ELAVL2: variants seen among roughly 807,000 people sequenced by gnomAD.
ELAVL2 encodes the protein ELAV like RNA binding protein 2.
ELAVL2 carries 4 observed loss-of-function variants against 34.6 expected under a neutral mutation model. That is an observed-to-expected ratio of 0.12 (90% CI 0.06 to 0.26). The LOEUF (loss-of-function observed/expected upper bound fraction) is 0.26, where lower values mean the gene tolerates loss of function less well. Ranked by LOEUF, ELAVL2 falls within the 10% of genes least tolerant of loss-of-function variation. ELAVL2 has a pLI of 1.00. For synonymous variants in ELAVL2, 193 were observed against 154.8 expected, an observed-to-expected ratio of 1.25 and a Z score of -1.83; for missense variants, 432 against 442.8, an observed-to-expected ratio of 0.98 and a Z score of 0.22.
intron 1 of ELAVL2, among the ~76,000 whole-genome samples, chr9:23,816,317 T>TAAAAAAAAAAAAAAAAAA (rs10717104): frequency 2.2e-5 from 1 of 44,698 alleles, no homozygotes. Flanking sequence ...AAGCTTTCAG[T>TAAAAAAAAAAAAAAAAAA]AAAAAAAAAA....
At chr9:23,714,564 A>G (rs2041828257) in intron 3 of ELAVL2, among the ~76,000 whole-genome samples, 1 of 152,166 alleles carries the variant, frequency 6.6e-6, no homozygotes, top group African/African-American at 2.4e-5. Flanking sequence ...TATTTCTCCC[A>G]TCAAGCTGTT....
At chr9:23,712,670 C>A (rs150605933) in intron 3 of ELAVL2, among the ~76,000 whole-genome samples, 1 of 152,048 alleles carries the variant, frequency 6.6e-6, no homozygotes, top group Non-Finnish European at 1.5e-5. Flanking sequence ...AGATTACAAA[C>A]CAATTAACAG....
chr9:23,703,552 G>C (rs1425440319), intron 4 of ELAVL2, among the ~76,000 whole-genome samples: 1 of 152,132 alleles, frequency 6.6e-6, no homozygotes, highest in Non-Finnish European at 1.5e-5. Flanking sequence ...GAACTCTAAA[G>C]GTGGTGCTTC....
intron 1 of ELAVL2, chr9:23,779,098 C>T: frequency 1.3e-6 from 1 of 774,324 alleles, no homozygotes; most frequent in Non-Finnish European, 1.6e-6. Context: ...CCTGGCACTA[C>T]ACCAGAAGCC....
chr9:23,778,326 G>C (rs1455705474), intron 1 of ELAVL2, among the ~76,000 whole-genome samples: 1 of 152,154 alleles, frequency 6.6e-6, no homozygotes, highest in Non-Finnish European at 1.5e-5. Context: ...GGTAGATTTA[G>C]CCTGAAAACA....
intron 2 of ELAVL2, among the ~76,000 whole-genome samples, chr9:23,731,752 G>A (rs1013566868): frequency 6.6e-6 from 1 of 152,046 alleles, no homozygotes; most frequent in Non-Finnish European, 1.5e-5. Context: ...GAACACAAAA[G>A]ACTTACAGGG....
chr9:23,837,771 G>A, the ELAVL2 span, among the ~76,000 whole-genome samples: 74 of 152,202 alleles, frequency 4.9e-4, no homozygotes, highest in African/African-American at 1.7e-3. Flanking sequence ...CAGATATTAC[G>A]ATGAACATAA....
chr9:23,703,936 A>G (rs1029694176), intron 4 of ELAVL2, among the ~76,000 whole-genome samples: 3 of 151,700 alleles, frequency 2.0e-5, no homozygotes, highest in African/African-American at 7.3e-5. Context: ...TTTTTTACTT[A>G]TTTTTTGAAA....
At position 23,701,450 on chromosome 9, in the gene ELAVL2, G is replaced by C; in HGVS notation, c.642C>G (p.Ile214Met). The C allele has an allele frequency of 6.2e-7, 1 of 1,614,154 alleles. No individual in the cohort carries two copies. The change falls in exon 5 of 7, where the codon ATC becomes ATG. Residue 214 changes from isoleucine (I) to methionine (M), a missense_variant. Ile to Met is a conservative substitution (Grantham distance 10, BLOSUM62 1). Coordinates refer to ENST00000397312, the MANE Select transcript of ELAVL2 (RefSeq NM_004432.5). The stretch of plus-strand genomic sequence containing the variant: ...TTGGAGACTGGTACAGCTGGGAAAG[G>C]ATGGCCTGATTGGTTTTTTGGCTTG... ...NNPSQKTNQA[I>M]LSQLYQSPNR...
At chr9:23,698,253 G>A (rs867328358) in intron 5 of ELAVL2, among the ~76,000 whole-genome samples, 29 of 152,230 alleles carry the variant, frequency 1.9e-4, no homozygotes, top group Middle Eastern at 3.4e-3. Flanking sequence ...TACTTAAGGG[G>A]CTTGAATTAC....
chr9:23,769,241 C>T (rs1057186532), intron 1 of ELAVL2, among the ~76,000 whole-genome samples: 1 of 152,110 alleles, frequency 6.6e-6, no homozygotes, highest in African/African-American at 2.4e-5. Flanking sequence ...GGCATCACAA[C>T]CTTTACCACA....
At chr9:23,750,060 C>T (rs985985415) in intron 2 of ELAVL2, among the ~76,000 whole-genome samples, 20 of 150,398 alleles carry the variant, frequency 1.3e-4, no homozygotes, top group African/African-American at 3.9e-4. Flanking sequence ...CTTTAAAAGT[C>T]GGTTGTCCAA....
intron 3 of ELAVL2, among the ~76,000 whole-genome samples, chr9:23,722,888 G>A (rs935209851): frequency 2.0e-5 from 3 of 152,072 alleles, no homozygotes; most frequent in Non-Finnish European, 4.4e-5. Flanking sequence ...CTCCTTCTTG[G>A]GAAGTTAACA....
At chr9:23,736,094 C>G (rs576067925) in intron 2 of ELAVL2, among the ~76,000 whole-genome samples, 5 of 152,112 alleles carry the variant, frequency 3.3e-5, no homozygotes, top group Non-Finnish European at 7.3e-5. Flanking sequence ...ATTCAAAGGT[C>G]ACTTTATTTA....
chr9:23,758,522 G>C (rs1485904758), intron 2 of ELAVL2, among the ~76,000 whole-genome samples: 1 of 152,102 alleles, frequency 6.6e-6, no homozygotes, highest in Non-Finnish European at 1.5e-5. Context: ...GAGATGCCTA[G>C]TGTTCAGATT....
In ELAVL2 at chr9:23,779,501, T is replaced by C. The variant is rs1446649319; in HGVS notation, c.-15-17252A>G. 1.3e-5 allele frequency: 9 copies of C among 671,310 alleles called. No homozygotes were observed. In the African/African-American group the frequency reaches 1.6e-4, roughly 12 times the overall value. The allele number at this position is 671,310 out of a possible 1,614,324, so 41.6% of individuals were successfully genotyped here. ...TTCTGGCTTCCTTAGACTCAGAAAC[T>C]AATGCATTCTTCCCTGCCTCCAAAG... On this transcript the variant is annotated intron_variant, in intron 1 of 6. Coordinates refer to ENST00000397312, the MANE Select transcript of ELAVL2 (RefSeq NM_004432.5).
chr9:23,796,749 A>T (rs2060979531), intron 1 of ELAVL2, among the ~76,000 whole-genome samples: 1 of 152,108 alleles, frequency 6.6e-6, no homozygotes, highest in East Asian at 1.9e-4. Flanking sequence ...ATTTTTTTTC[A>T]AAACAGAGTA....
In ELAVL2 at chr9:23,693,934, T is replaced by C. The variant is rs776372919; in HGVS notation, c.714-448A>G. Among the ~76,000 whole-genome samples the C allele has an allele frequency of 3.9e-5, 6 of 152,216 alleles. 1 individual carries two copies. The highest frequency in any genetic ancestry group is 1.3e-4 in the Admixed American group (2 of 15,292). ...ACCACAGGGCTAGTAAATTATGGCA[T>C]TGATACTCAAACTCTGCAGGTTACA... is the stretch of plus-strand genomic sequence containing the variant. On this transcript the variant is annotated intron_variant, in intron 5 of 6. Transcript: ENST00000397312.
chr9:23,725,259 C>G (rs971722350), intron 3 of ELAVL2, among the ~76,000 whole-genome samples: 1 of 152,174 alleles, frequency 6.6e-6, no homozygotes, highest in African/African-American at 2.4e-5. Flanking sequence ...TACATGCGCA[C>G]CCAGAACACA....
Sources: gnomAD v4.1 joint callset for allele counts (sites outside exome capture counted in the v4.1 genomes callset) on GRCh38, gnomAD v4.1.1 for gene constraint, MANE v1.5 for transcripts, NCBI Gene and HGNC (gene_info 2026-07-23, HGNC 2026-07-21) for gene names.